Variants in MTMR2 observed in about 807,000 individuals in gnomAD.
MTMR2 encodes the protein phosphatidylinositol-3,5-bisphosphate 3-phosphatase MTMR2.
Under a neutral mutation model 86.9 loss-of-function variants are expected in MTMR2, and 55 were observed. The ratio of observed to expected loss-of-function variants is 0.63; its 90% CI spans 0.51 to 0.79. The LOEUF is 0.79. Ranked by LOEUF, MTMR2 falls within the 30% of genes least tolerant of loss-of-function variation. The pLI is 0.00. For missense variants in MTMR2, 659 were observed against 772.3 expected, an observed-to-expected ratio of 0.85 and a Z score of 1.74; for synonymous variants, 241 against 266.8, an observed-to-expected ratio of 0.90 and a Z score of 0.94.
At chr11:95,886,061 T>A (rs1236662135) in intron 2 of MTMR2, among the ~76,000 whole-genome samples, 1 of 152,140 alleles carries the variant, frequency 6.6e-6, no homozygotes, top group Non-Finnish European at 1.5e-5. Context: ...TCTGAGAAAC[T>A]GTCCCAGCCA....
At position 95,901,965 on chromosome 11, in the gene MTMR2, T is replaced by C. The variant is rs1048546018; in HGVS notation, c.81-13704A>G. ...TGAGAAAGATGGATTGGTAATCTAA[T>C]CCCCCACTTAGAATTCAGTATGAAT... is the stretch of plus-strand genomic sequence containing the variant. On this transcript the variant is annotated intron_variant, in intron 1 of 14. Transcript: ENST00000346299. 2.6e-5 allele frequency among the ~76,000 whole-genome samples: 4 copies of C among 152,226 alleles called. No homozygotes were observed. The South Asian group carries it at 8.3e-4, about 32-fold the overall frequency.
At chr11:95,875,384 G>A (rs903317032) in intron 2 of MTMR2, among the ~76,000 whole-genome samples, 12 of 152,010 alleles carry the variant, frequency 7.9e-5, no homozygotes, top group South Asian at 4.1e-4. Context: ...CCAGTTGATC[G>A]AATCAGCTAC....
At chr11:95,872,264 T>TCATC (rs372118281) in intron 2 of MTMR2, among the ~76,000 whole-genome samples, 43,362 of 151,924 alleles carry the variant, frequency 0.29, 7,353 homozygotes, top group Non-Finnish European at 0.39. Context: ...CATGGAATGT[T>TCATC]CATCCATTTG....
chr11:95,918,448 T>C (rs1023400907), intron 1 of MTMR2, among the ~76,000 whole-genome samples: 1 of 152,242 alleles, frequency 6.6e-6, no homozygotes, highest in Non-Finnish European at 1.5e-5. Flanking sequence ...TACAGATATA[T>C]ACGGGACCCA....
chr11:95,914,147 T>C (rs1866615925), intron 1 of MTMR2: 3 of 969,472 alleles, frequency 3.1e-6, no homozygotes, highest in South Asian at 4.8e-5. Flanking sequence ...TACTCATAAG[T>C]GCAAATTTCA....
chr11:95,899,888 C>A (rs1380364134), intron 1 of MTMR2, among the ~76,000 whole-genome samples: 1 of 152,110 alleles, frequency 6.6e-6, no homozygotes, highest in African/African-American at 2.4e-5. Flanking sequence ...AACCTCGATA[C>A]CATGCTAAAA....
chr11:95,890,398 G>A (rs1591027045), intron 1 of MTMR2, among the ~76,000 whole-genome samples: 1 of 152,210 alleles, frequency 6.6e-6, no homozygotes, highest in Non-Finnish European at 1.5e-5. Context: ...ACTTTGATCA[G>A]GGTAGTTTGT....
At position 95,923,988 on chromosome 11, in the gene MTMR2, G is replaced by T. The variant is rs964810361; in HGVS notation, c.-34C>A. On this transcript the variant is annotated 5_prime_UTR_variant, in exon 1 of 15. Coordinates refer to ENST00000346299, the MANE Select transcript of MTMR2 (RefSeq NM_016156.6). ...AGGGGCAGCACAGGGAAAGGCTGAAGCAGTCTTCGCGGCTACAGGGCGGGA... is the reference window on the plus strand; with the variant it reads ...AGGGGCAGCACAGGGAAAGGCTGAATCAGTCTTCGCGGCTACAGGGCGGGA... 4 of 1,551,212 alleles carry T rather than the reference G, an allele frequency of 2.6e-6. No individual in the cohort carries two copies. The highest frequency in any genetic ancestry group is 3.5e-6 in the Non-Finnish European group (4 of 1,147,038).
At chr11:95,898,533 AAC>A (rs1444609300) in intron 1 of MTMR2, among the ~76,000 whole-genome samples, 2 of 152,060 alleles carry the variant, frequency 1.3e-5, no homozygotes, top group African/African-American at 4.8e-5. Context: ...CACACAAAAA[AAC>A]ACACAAACAG....
intron 2 of MTMR2, among the ~76,000 whole-genome samples, chr11:95,876,654 G>C (rs1218248230): frequency 6.6e-6 from 1 of 152,084 alleles, no homozygotes; most frequent in Non-Finnish European, 1.5e-5. Context: ...AAACACACAA[G>C]ATTCAAATTT....
chr11:95,842,567 C>G (rs1434962626), intron 11 of MTMR2, among the ~76,000 whole-genome samples: 1 of 152,174 alleles, frequency 6.6e-6, no homozygotes, highest in Non-Finnish European at 1.5e-5. Flanking sequence ...ACCTTTGACT[C>G]AGATAACTGA....
In MTMR2 at chr11:95,841,666, G is replaced by C. The variant is rs1235004963; in HGVS notation, c.1430C>G (p.Ser477Trp). 1 of 1,613,596 alleles carries C rather than the reference G, an allele frequency of 6.2e-7. No homozygotes were observed. The highest frequency in any genetic ancestry group is 8.5e-7 in the Non-Finnish European group (1 of 1,179,762). ...GTCAATAAATTGAAGAAAAACAGGC[G>C]ATCTGTCTGCATCTGCATGGTTCTT... ...GDKNHADADRSPVFLQFIDCV... is the reference protein window; with the variant it reads ...GDKNHADADRWPVFLQFIDCV... The change falls in exon 12 of 15, where the codon TCG becomes TGG. Residue 477 changes from serine (S) to tryptophan (W), a missense_variant. Ser to Trp is a radical substitution (Grantham distance 177). Transcript: ENST00000346299.
At chr11:95,862,514 A>T (rs562090497) in intron 3 of MTMR2, 148 bp from the exon 4 acceptor site, 2 of 696,450 alleles carry the variant, frequency 2.9e-6, no homozygotes, top group Non-Finnish European at 5.0e-6. Flanking sequence ...GAATCCTACA[A>T]CCCAAGCTTC....
At chr11:95,919,837 C>T (rs1391909652) in intron 1 of MTMR2, among the ~76,000 whole-genome samples, 1 of 152,162 alleles carries the variant, frequency 6.6e-6, no homozygotes, top group Non-Finnish European at 1.5e-5. Context: ...TAGATGTTCA[C>T]TCAGCACCTA....
chr11:95,892,848 A>G (rs767375844), intron 1 of MTMR2, among the ~76,000 whole-genome samples: 15 of 151,786 alleles, frequency 9.9e-5, no homozygotes, highest in Non-Finnish European at 2.1e-4. Flanking sequence ...TCTCCCCTTC[A>G]CCTCTGCCTC....
At chr11:95,850,894 T>C in intron 7 of MTMR2, 145 bp from the exon 8 acceptor site, 1 of 745,694 alleles carries the variant, frequency 1.3e-6, no homozygotes, top group South Asian at 1.6e-5. Context: ...GCCTGTGGTA[T>C]CAGGCTTTCA....
At chr11:95,895,651 G>A (rs183503294) in intron 1 of MTMR2, among the ~76,000 whole-genome samples, 2 of 152,218 alleles carry the variant, frequency 1.3e-5, no homozygotes, top group East Asian at 3.9e-4. Flanking sequence ...GGCACTGCTT[G>A]TGGGAATGTA....
intron 1 of MTMR2, among the ~76,000 whole-genome samples, chr11:95,907,321 G>A (rs1866316741): frequency 6.6e-6 from 1 of 151,980 alleles, no homozygotes; most frequent in African/African-American, 2.4e-5. Context: ...CAGGAAGAAA[G>A]TGAAAACCTG....
At chr11:95,890,499 A>G (rs1865680058) in intron 1 of MTMR2, among the ~76,000 whole-genome samples, 1 of 152,234 alleles carries the variant, frequency 6.6e-6, no homozygotes, top group Non-Finnish European at 1.5e-5. Context: ...TTAGTGGGAA[A>G]TCTGCTAATG....
Sources: gnomAD v4.1 joint callset for allele counts (sites outside exome capture counted in the v4.1 genomes callset) on GRCh38, gnomAD v4.1.1 for gene constraint, MANE v1.5 for transcripts, NCBI Gene and HGNC (gene_info 2026-07-23, HGNC 2026-07-21) for gene names.